CCDC62: variants seen among roughly 807,000 people sequenced by gnomAD.
CCDC62 encodes coiled-coil domain containing 62.
CCDC62 carries 72 observed loss-of-function variants against 80.8 expected under a neutral mutation model. The observed-to-expected ratio is 0.89, with a 90% CI of 0.74 to 1.08. The LOEUF (loss-of-function observed/expected upper bound fraction) is 1.08. Among genes scored for constraint, CCDC62 ranks in the 50% least tolerant of loss-of-function variants. CCDC62 has a pLI of 0.00. For synonymous variants in CCDC62, 286 were observed against 296.5 expected (o/e 0.96, Z 0.36); for missense variants, 704 against 809.4 (o/e 0.87, Z 1.58).
intron 11 of CCDC62, among the ~76,000 whole-genome samples, chr12:122,820,231 G>A (rs910049632): frequency 2.0e-5 from 3 of 152,126 alleles, no homozygotes; most frequent in African/African-American, 7.2e-5. Flanking sequence ...TTATTATTTT[G>A]ATTTTTAAAC....
intron 2 of CCDC62, among the ~76,000 whole-genome samples, chr12:122,778,121 CTT>C: frequency 6.6e-6 from 1 of 152,184 alleles, no homozygotes; most frequent in African/African-American, 2.4e-5. Flanking sequence ...AATTCCAGCA[CTT>C]TGGCGGATCA....
Position 122,779,630 on chromosome 12 carries a change from T to G in CCDC62, c.230-1534T>G, listed in dbSNP as rs1056883238. On this transcript the variant is annotated intron_variant, in intron 2 of 12. Coordinates refer to ENST00000253079, the MANE Select transcript of CCDC62 (RefSeq NM_201435.5). ...GCACCCAGATGCATGTAAAAAGGCC[T>G]GGCGCTGTGGCTCACATCTGTAATC... is the stretch of plus-strand genomic sequence containing the variant. Among the ~76,000 whole-genome samples, 7 of 152,242 alleles carry G rather than the reference T, an allele frequency of 4.6e-5. No individual in the cohort carries two copies. The East Asian group carries it at 1.4e-3, about 29-fold the overall frequency.
In CCDC62 at chr12:122,774,724, G is replaced by C; in HGVS notation, c.36+18G>C. On this transcript the variant is annotated intron_variant, in intron 1 of 12. Transcript: ENST00000253079. ...GGCGCCAGGTAAGCAGCGGTTCCGG[G>C]CGCGGCGGGGCGCCGCGGGAACGGT... 4.0e-6 allele frequency: 5 copies of C among 1,248,888 alleles called. No homozygotes were observed. Among genetic ancestry groups the C allele is most frequent in the Non-Finnish European group, 5.1e-6 (5 of 987,394 alleles). 77.4% of individuals were successfully genotyped at this position (1,248,888 alleles called of 1,614,324 possible).
intron 11 of CCDC62, among the ~76,000 whole-genome samples, chr12:122,822,993 C>G (rs1212272979): frequency 1.3e-5 from 2 of 148,798 alleles, no homozygotes; most frequent in African/African-American, 2.5e-5. Flanking sequence ...CAGGGTCTCA[C>G]TCTGTCGCCC....
chr12:122,810,932 AC>A (rs1017837411), intron 10 of CCDC62, among the ~76,000 whole-genome samples: 1 of 150,698 alleles, frequency 6.6e-6, no homozygotes, highest in African/African-American at 2.4e-5. Flanking sequence ...AAAAAACCAA[AC>A]ACTGCATGTT....
At position 122,774,674 on chromosome 12, in the gene CCDC62, A is replaced by T. The variant is rs1879293599; in HGVS notation, c.4A>T (p.Asn2Tyr). 1.0e-5 allele frequency: 13 copies of T among 1,254,998 alleles called. No individual in the cohort carries two copies. The highest frequency in any genetic ancestry group is 2.1e-4 in the Middle Eastern group (1 of 4,846). The allele number at this position is 1,254,998 out of a possible 1,614,324, so 77.7% of individuals were successfully genotyped here. A position where few individuals can be genotyped will look rare whatever the true frequency, so the allele number is the denominator to read the frequency against. M[N>Y]PPAAFLAGRQ... ...TCCGGGGGCGGAGGAAACACCTATG[A>T]ACCCTCCGGCAGCCTTCCTTGCCGG... Residue 2 changes from asparagine to tyrosine, a missense_variant, in exon 1 of 13, where the codon AAC (asparagine) becomes TAC (tyrosine). Physicochemically the swap from Asn to Tyr is moderately radical, Grantham distance 143. Transcript: ENST00000253079.
intron 9 of CCDC62, among the ~76,000 whole-genome samples, chr12:122,804,253 A>T (rs1201145333): frequency 2.0e-5 from 3 of 152,110 alleles, no homozygotes; most frequent in Non-Finnish European, 4.4e-5. Flanking sequence ...TTTGCTGTCA[A>T]ACTCAGGCGG....
At chr12:122,801,924 G>A in intron 9 of CCDC62, 72 bp downstream of exon 9, 3 of 1,486,626 alleles carry the variant, frequency 2.0e-6, no homozygotes, top group Admixed American at 3.8e-5. Flanking sequence ...AAGGGTGATG[G>A]AAGCCACGCC....
At chr12:122,787,908 T>C (rs1337673854) in intron 4 of CCDC62, among the ~76,000 whole-genome samples, 1 of 152,210 alleles carries the variant, frequency 6.6e-6, no homozygotes, top group Non-Finnish European at 1.5e-5. Flanking sequence ...GTGGGTGTCC[T>C]GGTGTTAATG....
At chr12:122,822,428 A>T (rs940696076) in intron 11 of CCDC62, among the ~76,000 whole-genome samples, 3 of 151,936 alleles carry the variant, frequency 2.0e-5, no homozygotes, top group Non-Finnish European at 4.4e-5. Context: ...AACCATAGTC[A>T]TGGTGCTGTG....
At chr12:122,821,808 G>A (rs1462923984) in intron 11 of CCDC62, among the ~76,000 whole-genome samples, 3 of 152,016 alleles carry the variant, frequency 2.0e-5, no homozygotes, top group African/African-American at 7.3e-5. Flanking sequence ...ATAGTGCAAT[G>A]TTATAATATG....
intron 11 of CCDC62, among the ~76,000 whole-genome samples, chr12:122,813,671 G>A (rs1279078390): frequency 1.3e-5 from 2 of 151,966 alleles, no homozygotes; most frequent in African/African-American, 2.4e-5. Flanking sequence ...CTTGGAGGGG[G>A]CGGGTACAGA....
At position 122,792,118 on chromosome 12, in the gene CCDC62, A is replaced by T. The variant is rs2030653338; in HGVS notation, c.769A>T (p.Thr257Ser). The change falls in exon 6 of 13, where the codon ACT becomes TCT. Residue 257 changes from threonine to serine, a missense_variant. By Grantham distance (58) the Thr-to-Ser change is moderately conservative. Coordinates refer to ENST00000253079, the MANE Select transcript of CCDC62 (RefSeq NM_201435.5). The part of the protein sequence containing the change: ...KSCLHDELLF[T>S]VEREKRKDEL... ...TTGCCTGCACGATGAATTGCTTTTT[A>T]CTGGTAAAACAGATGATCGAATGTA... 2 of 1,583,238 alleles carry T rather than the reference A, an allele frequency of 1.3e-6. No homozygotes were observed. The highest frequency in any genetic ancestry group is 1.7e-6 in the Non-Finnish European group (2 of 1,152,002).
Position 122,806,176 on chromosome 12 carries a change from C to T in CCDC62, c.1732C>T (p.His578Tyr). 1 of 1,612,258 alleles carries T rather than the reference C, an allele frequency of 6.2e-7. No individual in the cohort carries two copies. The highest frequency in any genetic ancestry group is 8.5e-7 in the Non-Finnish European group (1 of 1,179,122). ...ASELIAIQDS[H>Y]SLGSSKSALR... ...TGAGCTAATTGCCATCCAAGATTCC[C>T]ACTCTTTGGGTTCTTCAAAATCTGC... is the stretch of plus-strand genomic sequence containing the variant. The change falls in exon 10 of 13, where the codon CAC (histidine) becomes TAC (tyrosine). Residue 578 changes from histidine (H) to tyrosine (Y), a missense_variant. Transcript: ENST00000253079.
intron 9 of CCDC62, among the ~76,000 whole-genome samples, chr12:122,805,894 C>T (rs907868758): frequency 2.1e-4 from 32 of 152,094 alleles, no homozygotes; most frequent in African/African-American, 7.2e-4. Context: ...ACCTCGTGAT[C>T]CACCCAGATC....
intron 3 of CCDC62, 69 bp downstream of exon 3, chr12:122,781,399 G>T: frequency 2.0e-6 from 3 of 1,509,476 alleles, no homozygotes; most frequent in Non-Finnish European, 2.7e-6. Flanking sequence ...TGAAAAATTA[G>T]ATTTGACCGG....
chr12:122,800,736 AT>A (rs36137060), intron 8 of CCDC62, among the ~76,000 whole-genome samples: 1,768 of 150,334 alleles, frequency 0.012, 34 homozygotes, highest in African/African-American at 0.04. Flanking sequence ...CTCAAAAAAA[AT>A]TTTTTTTAAG....
rs574489970 is a variant in CCDC62 at position 122,819,295 on chromosome 12, G to A, written c.2002-4071G>A. On this transcript the variant is annotated intron_variant, in intron 11 of 12. Transcript: ENST00000253079. The stretch of plus-strand genomic sequence containing the variant: ...GAAGCAGGGTAAAGTTCTGAGCAGC[G>A]TGTCTGCTTCTCCAGGGCTTTGCCA... Among the ~76,000 whole-genome samples, 23 of 152,282 alleles carry A rather than the reference G, an allele frequency of 1.5e-4. No individual in the cohort carries two copies. The East Asian group carries it at 3.9e-3, about 26-fold the overall frequency.
At chr12:122,793,988 A>G (rs1367159919) in intron 6 of CCDC62, among the ~76,000 whole-genome samples, 3 of 152,210 alleles carry the variant, frequency 2.0e-5, no homozygotes, top group Admixed American at 6.5e-5. Flanking sequence ...GCCCTGCGAT[A>G]TGCTCAGAAG....
Sources: gnomAD v4.1 joint callset for allele counts (sites outside exome capture counted in the v4.1 genomes callset) on GRCh38, gnomAD v4.1.1 for gene constraint, MANE v1.5 for transcripts, NCBI Gene and HGNC (gene_info 2026-07-23, HGNC 2026-07-21) for gene names.